The following CPZ variants were observed in gnomAD, a reference collection of about 807,000 sequenced individuals.
CPZ encodes the protein VEZT/CPZ fusion.
A neutral mutation model predicts 61.8 loss-of-function variants in CPZ; 103 were observed. That is an observed-to-expected ratio of 1.67 (90% CI 1.42 to 1.96). CPZ has a LOEUF of 1.96. Ranked by LOEUF, CPZ falls within the 30% of genes most tolerant of loss-of-function variation. The pLI, the probability that CPZ is intolerant of heterozygous loss-of-function variation, is 0.00. For synonymous variants in CPZ, 551 were observed against 373.7 expected (o/e 1.47, Z -5.47); for missense variants, 1,461 against 914.9 (o/e 1.60, Z -7.70).
intron 9 of CPZ, 193 bp from the exon 10 acceptor site, chr4:8,618,236 G>C: frequency 1.7e-6 from 1 of 598,076 alleles, no homozygotes; most frequent in Non-Finnish European, 3.0e-6. Flanking sequence ...TTGCCAGGGA[G>C]GAAACTGAGG....
Position 8,603,706 on chromosome 4 carries a change from A to G in CPZ, c.497-270A>G, listed in dbSNP as rs180903916. On this transcript the variant is annotated intron_variant, in intron 3 of 10. Coordinates refer to ENST00000360986, the MANE Select transcript of CPZ (RefSeq NM_001014447.3). ...CTTCCTTTCTGTTGTCCTGCTCCGT[A>G]TTTTAGGAGCTTCCCACAGTGGCCC... The G allele has an allele frequency of 8.1e-4, 436 of 538,886 alleles. 1 individual carries two copies. The highest frequency in any genetic ancestry group is 7.3e-3 in the African/African-American group (381 of 52,432). The allele number at this position is 538,886 out of a possible 1,614,324, so 33.4% of individuals were successfully genotyped here. A position where few individuals can be genotyped will look rare whatever the true frequency, so the allele number is the denominator to read the frequency against.
chr4:8,596,631 C>T (rs1714203778), intron 1 of CPZ, among the ~76,000 whole-genome samples: 1 of 152,266 alleles, frequency 6.6e-6, no homozygotes, highest in Non-Finnish European at 1.5e-5. Context: ...GATGGATCCT[C>T]CAACAGCCCT....
rs983032914 is a variant in CPZ at position 8,606,777 on chromosome 4, C to G, written c.947C>G (p.Ala316Gly). The G allele has an allele frequency of 6.2e-7, 1 of 1,614,148 alleles. No homozygotes were observed. The highest frequency in any genetic ancestry group is 2.2e-5 in the East Asian group (1 of 44,878). The change falls in exon 6 of 11, where the codon GCG becomes GGG. Residue 316 changes from alanine to glycine, a missense_variant. Ala to Gly is a moderately conservative substitution (Grantham distance 60). Coordinates refer to ENST00000360986, the MANE Select transcript of CPZ (RefSeq NM_001014447.3). ...YNGWTSGRQN[A>G]QNLDLNRNFP... ...GGGTGGACGAGCGGGAGGCAGAACG[C>G]GCAGAACCTGGATCTGAACCGAAAT...
Position 8,601,334 on chromosome 4 carries a change from C to A in CPZ, c.333C>A (p.Gly111=), listed in dbSNP as rs759199755. 1.9e-6 allele frequency: 3 copies of A among 1,606,928 alleles called. No individual in the cohort carries two copies. Among genetic ancestry groups the A allele is most frequent in the Non-Finnish European group, 2.6e-6 (3 of 1,175,440 alleles). Residue 111 remains glycine (G), a synonymous_variant, in exon 3 of 11, where the codon GGC becomes GGA. Coordinates refer to ENST00000360986, the MANE Select transcript of CPZ (RefSeq NM_001014447.3). ...CTGTGCTGGCCCCCCGGTGTGAGGG[C>A]GGCTGGGTGCGCAGACCCTGCCGGC... ...GCAVLAPRCE[G]GWVRRPCRHI...
intron 1 of CPZ, among the ~76,000 whole-genome samples, chr4:8,594,916 G>A (rs1342987274): frequency 6.6e-6 from 1 of 152,260 alleles, no homozygotes; most frequent in South Asian, 2.1e-4. Flanking sequence ...GGGACTACAG[G>A]CATCTGCCAC....
At chr4:8,593,725 A>G (rs1162137382) in intron 1 of CPZ, among the ~76,000 whole-genome samples, 1 of 152,108 alleles carries the variant, frequency 6.6e-6, no homozygotes, top group African/African-American at 2.4e-5. Context: ...GTTTGTGGAT[A>G]CCTGAGAACT....
At chr4:8,609,344 T>C (rs1199866417) in intron 7 of CPZ, among the ~76,000 whole-genome samples, 1 of 152,054 alleles carries the variant, frequency 6.6e-6, no homozygotes, top group Non-Finnish European at 1.5e-5. Flanking sequence ...CACTCACTCA[T>C]TCTCTCATTC....
At chr4:8,602,401 T>C (rs966434717) in intron 3 of CPZ, 1 of 152,378 alleles carries the variant, frequency 6.6e-6, no homozygotes, top group Non-Finnish European at 1.5e-5. Context: ...CTCTTGCCAC[T>C]GAGGCCTGGA....
Position 8,619,482 on chromosome 4 carries a change from C to G in CPZ, c.1824C>G (p.Ser608Arg). The G allele has an allele frequency of 6.2e-7, 1 of 1,609,262 alleles. No homozygotes were observed. The highest frequency in any genetic ancestry group is 8.5e-7 in the Non-Finnish European group (1 of 1,176,840). ...TGPHDPLGGA[S>R]SLGEATEPDP... is the part of the protein sequence containing the mutation. ...CCCACGACCCACTGGGAGGTGCCAG[C>G]TCTTTGGGGGAGGCCACGGAGCCCG... Residue 608 changes from serine (S) to arginine (R), a missense_variant, in exon 11 of 11, where the codon AGC becomes AGG. Physicochemically the swap from Ser to Arg is moderately radical, Grantham distance 110 (BLOSUM62 -1). Transcript: ENST00000360986.
intron 9 of CPZ, 39 bp from the exon 10 acceptor site, chr4:8,618,390 G>C: frequency 6.9e-6 from 11 of 1,594,596 alleles, no homozygotes; most frequent in Non-Finnish European, 9.5e-6. Flanking sequence ...CAGCAGGAGA[G>C]CTCACGCCAT....
rs753078706 is a variant in CPZ at position 8,603,939 on chromosome 4, G to T, written c.497-37G>T. The T allele has an allele frequency of 4.4e-6, 7 of 1,584,720 alleles. No individual in the cohort carries two copies. In the East Asian group the frequency reaches 1.6e-4, roughly 35 times the overall value. On this transcript the variant is annotated intron_variant, in intron 3 of 10. Coordinates refer to ENST00000360986, the MANE Select transcript of CPZ (RefSeq NM_001014447.3). ...CCAGGCAGTGGTAGGAAGCCTGGGG[G>T]CCTGACACTGACTGAGCCCCCCCAC...
Position 8,612,074 on chromosome 4 carries a change from G to C in CPZ, c.1275G>C (p.Met425Ile). The C allele has an allele frequency of 3.1e-6, 5 of 1,613,692 alleles. No individual in the cohort carries two copies. Among genetic ancestry groups the C allele is most frequent in the Non-Finnish European group, 4.2e-6 (5 of 1,179,842 alleles). ...CCTACGCTGACGTCCACCCCATGATGATGGACAGGTCGGAGAATAGGTGTG... is the reference window on the plus strand; with the variant it reads ...CCTACGCTGACGTCCACCCCATGATCATGGACAGGTCGGAGAATAGGTGTG... Reference protein sequence around the residue: ...SRAYADVHPMMMDRSENRCGG... With the variant: ...SRAYADVHPMIMDRSENRCGG... Residue 425 changes from methionine to isoleucine, a missense_variant, in exon 8 of 11, where the codon ATG (methionine) becomes ATC (isoleucine). Met to Ile is a conservative substitution (Grantham distance 10). Transcript: ENST00000360986.
At position 8,604,209 on chromosome 4, in the gene CPZ, C is replaced by G. The variant is rs748987463; in HGVS notation, c.709+21C>G. The G allele has an allele frequency of 2.3e-5, 34 of 1,509,838 alleles. No homozygotes were observed. The South Asian group carries it at 4.3e-4, about 19-fold the overall frequency. 93.5% of individuals were successfully genotyped at this position (1,509,838 alleles called of 1,614,324 possible). A position where few individuals can be genotyped will look rare whatever the true frequency, so the allele number is the denominator to read the frequency against. On this transcript the variant is annotated intron_variant, in intron 4 of 10. Transcript: ENST00000360986. The stretch of plus-strand genomic sequence containing the variant: ...GCTGAGTGAGTGCCCTTGGGAGAGC[C>G]TGGCCTGGCCCCGTTTCGGGAAAGG...
rs1216139032 is a variant in CPZ at position 8,599,479 on chromosome 4, G to C, written c.115G>C (p.Asp39His). Reference protein sequence around the residue: ...AGECHRPPAADSATCVDLQLR... With the variant: ...AGECHRPPAAHSATCVDLQLR... ...TGAATGCCACAGGCCACCAGCTGCA[G>C]ACAGCGGTACAGTACCGGGACCTCC... Residue 39 changes from aspartate to histidine, a missense_variant, in exon 2 of 11, where the codon GAC becomes CAC. By Grantham distance (81) the Asp-to-His change is moderately conservative. Transcript: ENST00000360986. 6.2e-7 allele frequency: 1 copy of C among 1,612,844 alleles called. No homozygotes were observed. Among genetic ancestry groups the C allele is most frequent in the Non-Finnish European group, 8.5e-7 (1 of 1,179,210 alleles).
intron 1 of CPZ, among the ~76,000 whole-genome samples, chr4:8,599,022 C>A (rs919438585): frequency 6.6e-6 from 1 of 152,196 alleles, no homozygotes; most frequent in African/African-American, 2.4e-5. Context: ...CGGGGGCTGA[C>A]AGTTAAAACT....
At chr4:8,613,558 G>C (rs962619047) in intron 8 of CPZ, among the ~76,000 whole-genome samples, 7 of 152,216 alleles carry the variant, frequency 4.6e-5, no homozygotes, top group African/African-American at 1.7e-4. Flanking sequence ...GCAGCTGCAG[G>C]CTCTGCGGCT....
At position 8,605,718 on chromosome 4, in the gene CPZ, G is replaced by A. The variant is rs142888762; in HGVS notation, c.710-271G>A. On this transcript the variant is annotated intron_variant, in intron 4 of 10. Coordinates refer to ENST00000360986, the MANE Select transcript of CPZ (RefSeq NM_001014447.3). ...GACTTATTACACAAACATGAAGAGA[G>A]ACCATCAGTTAAATTTGCATGAATC... is the stretch of plus-strand genomic sequence containing the variant. Among the ~76,000 whole-genome samples, 426 of 148,468 alleles carry A rather than the reference G, an allele frequency of 2.9e-3. 5 individuals carry two copies. The highest frequency in any genetic ancestry group is 0.011 in the African/African-American group (407 of 38,192).
intron 6 of CPZ, 124 bp from the exon 7 acceptor site, chr4:8,607,143 C>G (rs1283769998): frequency 8.2e-7 from 1 of 1,225,350 alleles, no homozygotes; most frequent in Non-Finnish European, 1.1e-6. Context: ...CCAGCTGGTG[C>G]GTTGATGTAG....
At chr4:8,617,889 G>T (rs549547129) in intron 9 of CPZ, among the ~76,000 whole-genome samples, 1 of 152,302 alleles carries the variant, frequency 6.6e-6, no homozygotes, top group East Asian at 1.9e-4. Context: ...CTGTGGGCGT[G>T]CAGGGAGCTT....
Sources: gnomAD v4.1 joint callset for allele counts (sites outside exome capture counted in the v4.1 genomes callset) on GRCh38, gnomAD v4.1.1 for gene constraint, MANE v1.5 for transcripts, NCBI Gene and HGNC (gene_info 2026-07-23, HGNC 2026-07-21) for gene names.